Variants in PTPN21 observed in about 807,000 individuals in gnomAD.
PTPN21 encodes the protein tyrosine-protein phosphatase non-receptor type 21.
A neutral mutation model predicts 131.8 loss-of-function variants in PTPN21; 77 were observed. That is an observed-to-expected ratio of 0.58 (90% CI 0.49 to 0.71). The LOEUF is 0.71. Among genes scored for constraint, PTPN21 ranks in the 30% least tolerant of loss-of-function variants. The pLI is 0.00. For synonymous variants in PTPN21, 715 were observed against 621.3 expected, an observed-to-expected ratio of 1.15 and a Z score of -2.24; for missense variants, 1,552 against 1,527.1, an observed-to-expected ratio of 1.02 and a Z score of -0.27.
chr14:88,489,020 T>C (rs1194034214), intron 10 of PTPN21, among the ~76,000 whole-genome samples: 3 of 152,134 alleles, frequency 2.0e-5, no homozygotes, highest in Admixed American at 6.5e-5. Context: ...CCTGGTCACA[T>C]GGCAAACAAG....
rs2140069188 is a variant in PTPN21, at chr14:88,466,242, T to C, written c.*1895A>G. Reference sequence around the variant, plus strand: ...TGTATTTACAAAATTTACATTTTGTTCCTACAAAATGTAATTTTTTAATTT... The same window carrying C: ...TGTATTTACAAAATTTACATTTTGTCCCTACAAAATGTAATTTTTTAATTT... On this transcript the variant is annotated 3_prime_UTR_variant, in exon 19 of 19. Transcript: ENST00000556564. 1 of 152,292 alleles carries C rather than the reference T, an allele frequency of 6.6e-6. No individual in the cohort carries two copies. Among genetic ancestry groups the C allele is most frequent in the East Asian group, 1.9e-4 (1 of 5,186 alleles). 9.4% of individuals were successfully genotyped at this position (152,292 alleles called of 1,614,324 possible).
At position 88,479,837 on chromosome 14, in the gene PTPN21, G is replaced by A. The variant is rs914234492; in HGVS notation, c.1594C>T (p.Pro532Ser). ...SPYPYPAERRPVVGAVSVPEL... is the reference protein window; with the variant it reads ...SPYPYPAERRSVVGAVSVPEL... ...GGCACGCTGACCGCGCCCACCACGG[G>A]CCGCCGCTCGGCAGGGTAGGGGTAG... is the stretch of plus-strand genomic sequence containing the variant. The change falls in exon 13 of 19, where the codon CCC becomes TCC. Residue 532 changes from proline to serine, a missense_variant. Transcript: ENST00000556564. 3 of 1,552,268 alleles carry A rather than the reference G, an allele frequency of 1.9e-6. No individual in the cohort carries two copies. Among genetic ancestry groups the A allele is most frequent in the Non-Finnish European group, 2.6e-6 (3 of 1,154,158 alleles).
rs754604977 is a variant in PTPN21, at chr14:88,480,146, G to A, written c.1285C>T (p.Pro429Ser). ...TGCCGATGGGACGGGAGGTAGTCAG[G>A]CCTCATGACGTCACTCCCGGTGATG... ...PSITGSDVMR[P>S]DYLPSHRHSA... Residue 429 changes from proline (P) to serine (S), a missense_variant, in exon 13 of 19, where the codon CCT becomes TCT. Pro to Ser is a moderately conservative substitution (Grantham distance 74, BLOSUM62 -1). This residue lies in a region of PTPN21 where 1,016 missense variants were observed against 883.5 expected (regional missense o/e 1.15). Transcript: ENST00000556564. 10 of 1,614,152 alleles carry A rather than the reference G, an allele frequency of 6.2e-6. No homozygotes were observed. Among genetic ancestry groups the A allele is most frequent in the South Asian group, 3.3e-5 (3 of 91,078 alleles).
intron 2 of PTPN21, among the ~76,000 whole-genome samples, chr14:88,518,281 CACAT>C (rs1566839624): frequency 1.1e-5 from 1 of 90,872 alleles, no homozygotes; most frequent in African/African-American, 4.4e-5. Context: ...TATACACACA[CACAT>C]ACGCACACAC....
intron 2 of PTPN21, among the ~76,000 whole-genome samples, chr14:88,524,955 A>G (rs1441100320): frequency 3.3e-5 from 5 of 152,068 alleles, no homozygotes; most frequent in South Asian, 2.1e-4. Flanking sequence ...AAAAAAAACC[A>G]TATCAGGCTA....
chr14:88,543,955 G>A (rs1358486720), intron 2 of PTPN21, among the ~76,000 whole-genome samples: 1 of 139,824 alleles, frequency 7.2e-6, no homozygotes, highest in Non-Finnish European at 1.5e-5. Flanking sequence ...TGTCCTCTAA[G>A]TTATAAAACT....
At chr14:88,523,170 T>C (rs2078423031) in intron 2 of PTPN21, among the ~76,000 whole-genome samples, 3 of 152,046 alleles carry the variant, frequency 2.0e-5, no homozygotes, top group African/African-American at 7.2e-5. Context: ...CGACATCCCT[T>C]GTAAATATAG....
At chr14:88,485,600 T>G (rs1329901418) in intron 11 of PTPN21, among the ~76,000 whole-genome samples, 182 bp downstream of exon 11, 1 of 151,996 alleles carries the variant, frequency 6.6e-6, no homozygotes, top group Non-Finnish European at 1.5e-5. Context: ...ATATGTATAA[T>G]ATAATAATAT....
At chr14:88,528,126 T>TG (rs2078507019) in intron 2 of PTPN21, among the ~76,000 whole-genome samples, 3 of 152,240 alleles carry the variant, frequency 2.0e-5, no homozygotes, top group African/African-American at 7.2e-5. Context: ...GCTTTGGCTA[T>TG]GGGGGCTCTT....
intron 13 of PTPN21, among the ~76,000 whole-genome samples, chr14:88,476,100 G>A (rs2077543699): frequency 6.6e-6 from 1 of 152,180 alleles, no homozygotes; most frequent in South Asian, 2.1e-4. Flanking sequence ...GCTGGAGGTG[G>A]AGATGGGTGG....
intron 2 of PTPN21, among the ~76,000 whole-genome samples, chr14:88,538,224 C>A (rs1373223838): frequency 6.6e-6 from 1 of 152,206 alleles, no homozygotes; most frequent in African/African-American, 2.4e-5. Flanking sequence ...GGGCTCATCA[C>A]GAAAGGCAGC....
Position 88,485,770 on chromosome 14 carries a change from CT to C in PTPN21, c.993+11del. 6.3e-7 allele frequency: 1 copy of C among 1,577,726 alleles called. No homozygotes were observed. Among genetic ancestry groups the C allele is most frequent in the Non-Finnish European group, 8.7e-7 (1 of 1,148,666 alleles). ...AAAATAAAAAAGCAATCATATTTTCCTTGTTTCTTACCAGAGACATCCTTGA... is the reference window on the plus strand; with the variant it reads ...AAAATAAAAAAGCAATCATATTTTCCTGTTTCTTACCAGAGACATCCTTGA... On this transcript the variant is annotated intron_variant, in intron 11 of 18. Coordinates refer to ENST00000556564, the MANE Select transcript of PTPN21 (RefSeq NM_007039.4).
At chr14:88,553,349 ATT>A (rs1234245624) in intron 1 of PTPN21, among the ~76,000 whole-genome samples, 3 of 152,152 alleles carry the variant, frequency 2.0e-5, no homozygotes, top group Non-Finnish European at 2.9e-5. Flanking sequence ...TAAAACAATG[ATT>A]TTGTTTAATA....
At chr14:88,517,912 GTA>G (rs900375360) in intron 2 of PTPN21, among the ~76,000 whole-genome samples, 52 of 145,390 alleles carry the variant, frequency 3.6e-4, no homozygotes, top group Non-Finnish European at 6.9e-4. Flanking sequence ...ATATACACCT[GTA>G]TATATATATG....
At chr14:88,487,449 C>T (rs73315932) in intron 10 of PTPN21, among the ~76,000 whole-genome samples, 5,610 of 152,132 alleles carry the variant, frequency 0.037, 351 homozygotes, top group African/African-American at 0.13. Flanking sequence ...CCTCATGTCT[C>T]ATAAATTAAT....
chr14:88,469,707 C>T lies in PTPN21; in HGVS notation c.3027G>A (p.Arg1009=), dbSNP rs1263442119. The change falls in exon 17 of 19, where the codon AGG becomes AGA. Residue 1009 remains arginine (R), a synonymous_variant. Coordinates refer to ENST00000556564, the MANE Select transcript of PTPN21 (RefSeq NM_007039.4). The surrounding 1 kb of genome is among the most constrained non-coding windows in gnomAD (Gnocchi z 4.3). Reference sequence around the variant, plus strand: ...GCCTGGAACCAAGTCGTGGCCAGTACCTAAAGCTCTTCTCCCTTCCACCCT... The same window carrying T: ...GCCTGGAACCAAGTCGTGGCCAGTATCTAAAGCTCTTCTCCCTTCCACCCT... The part of the protein sequence containing the change: ...EEEGGREKSF[R]YWPRLGSRHN... The T allele has an allele frequency of 6.2e-7, 1 of 1,614,034 alleles. No homozygotes were observed. Among genetic ancestry groups the T allele is most frequent in the Non-Finnish European group, 8.5e-7 (1 of 1,180,046 alleles).
rs1192104367 is a variant in PTPN21 at position 88,543,399 on chromosome 14, C to G, written c.180+6839G>C. On this transcript the variant is annotated intron_variant, in intron 2 of 18. Coordinates refer to ENST00000556564, the MANE Select transcript of PTPN21 (RefSeq NM_007039.4). ...AAGCCCCAAAGTGAAAAAGAAGAGT[C>G]TAAAGAAAATGGTGCTTTTCTATCT... Among the ~76,000 whole-genome samples the G allele has an allele frequency of 2.0e-5, 3 of 152,120 alleles. No individual in the cohort carries two copies. The East Asian group carries it at 5.8e-4, about 29-fold the overall frequency.
chr14:88,484,295 C>T (rs1196075805), intron 12 of PTPN21, among the ~76,000 whole-genome samples: 1 of 150,926 alleles, frequency 6.6e-6, no homozygotes, highest in Non-Finnish European at 1.5e-5. Context: ...TGTGGAAATA[C>T]TCATCTGCAT....
chr14:88,506,835 A>G (rs934252405), intron 4 of PTPN21, among the ~76,000 whole-genome samples: 4 of 151,848 alleles, frequency 2.6e-5, no homozygotes, highest in Non-Finnish European at 5.9e-5. Context: ...TGAGGTCAGG[A>G]GTTTGAGACC....
Sources: gnomAD v4.1 joint callset for allele counts (sites outside exome capture counted in the v4.1 genomes callset) on GRCh38, gnomAD v4.1.1 for gene constraint, gnomAD v4.1.1 regional missense constraint, Gnocchi (gnomAD v3.1) non-coding constraint, MANE v1.5 for transcripts, NCBI Gene and HGNC (gene_info 2026-07-23, HGNC 2026-07-21) for gene names.